The following SIPA1L3 variants were observed in gnomAD, a reference collection of about 807,000 sequenced individuals.
SIPA1L3 encodes the protein signal induced proliferation associated 1 like 3.
In SIPA1L3, 59 loss-of-function variants were observed where a neutral mutation model predicts 150.1. The ratio of observed to expected loss-of-function variants is 0.39; its 90% confidence interval spans 0.32 to 0.49. SIPA1L3 has a LOEUF of 0.49. Among genes scored for constraint, SIPA1L3 ranks in the 20% least tolerant of loss-of-function variants. The probability of loss-of-function intolerance (pLI) is 0.86; values close to 1 mark genes in which losing one functional copy is unlikely to be tolerated. For missense variants in SIPA1L3, 2,211 were observed against 2,489.5 expected, an observed-to-expected ratio of 0.89 and a Z score of 2.38; for synonymous variants, 1,070 against 1,077.6, an observed-to-expected ratio of 0.99 and a Z score of 0.14.
At chr19:38,195,017 C>T (rs963762950) in intron 18 of SIPA1L3, among the ~76,000 whole-genome samples, 1 of 152,022 alleles carries the variant, frequency 6.6e-6, no homozygotes, top group African/African-American at 2.4e-5. Flanking sequence ...AGCCACTGCA[C>T]TCCAGCCTGG....
chr19:38,182,849 C>T, intron 16 of SIPA1L3, 109 bp downstream of exon 16: 2 of 780,706 alleles, frequency 2.6e-6, no homozygotes, highest in Non-Finnish European at 4.1e-6. Flanking sequence ...GACTGTGGGC[C>T]AGTGTACCAG....
intron 10 of SIPA1L3, among the ~76,000 whole-genome samples, chr19:38,134,086 C>T (rs113032370): frequency 0.036 from 5,492 of 151,900 alleles, 292 homozygotes; most frequent in African/African-American, 0.12. Flanking sequence ...TGTGTTCAAG[C>T]GATTCTTCTG....
intron 2 of SIPA1L3, among the ~76,000 whole-genome samples, chr19:38,042,446 T>C (rs1429581629): frequency 6.6e-6 from 1 of 152,222 alleles, no homozygotes; most frequent in Admixed American, 6.5e-5. Flanking sequence ...TGTGGCTATA[T>C]ATAAATTTTA....
At chr19:37,940,779 A>T (rs2046647295) in intron 1 of SIPA1L3, among the ~76,000 whole-genome samples, 1 of 138,004 alleles carries the variant, frequency 7.2e-6, no homozygotes, top group Admixed American at 7.1e-5. Context: ...ACAGGGTTTC[A>T]CCATGTTGGC....
At chr19:37,928,445 C>CCTGT (rs1317710586) in intron 1 of SIPA1L3, among the ~76,000 whole-genome samples, 1 of 152,084 alleles carries the variant, frequency 6.6e-6, no homozygotes, top group African/African-American at 2.4e-5. Flanking sequence ...GTGGCACATA[C>CCTGT]CTGTGGTCCC....
chr19:37,988,929 T>G (rs1202703286), intron 1 of SIPA1L3, among the ~76,000 whole-genome samples: 1 of 152,126 alleles, frequency 6.6e-6, no homozygotes, highest in East Asian at 1.9e-4. Context: ...GAAGCTTCCC[T>G]TAGGTTTCTC....
intron 1 of SIPA1L3, among the ~76,000 whole-genome samples, chr19:37,957,108 T>A (rs1186840607): frequency 6.6e-6 from 1 of 152,258 alleles, no homozygotes. Flanking sequence ...ATTATTAATA[T>A]AAGGGTTTGT....
intron 8 of SIPA1L3, among the ~76,000 whole-genome samples, chr19:38,111,309 A>G (rs1257402266): frequency 6.6e-6 from 1 of 152,022 alleles, no homozygotes; most frequent in Non-Finnish European, 1.5e-5. Flanking sequence ...TGGGATTGTA[A>G]GTGTGAGCCA....
chr19:38,126,748 C>A (rs1332939626), intron 9 of SIPA1L3, among the ~76,000 whole-genome samples: 9 of 151,792 alleles, frequency 5.9e-5, no homozygotes, highest in Non-Finnish European at 2.9e-5. Context: ...GTTGCCCAGG[C>A]CGGTCTTGAA....
intron 1 of SIPA1L3, among the ~76,000 whole-genome samples, chr19:38,003,713 C>T (rs1237254829): frequency 1.3e-5 from 2 of 152,156 alleles, no homozygotes; most frequent in African/African-American, 4.8e-5. Flanking sequence ...TGCCATGTGG[C>T]GGTTTCTCTT....
chr19:38,073,595 G>A (rs1196314402), intron 2 of SIPA1L3, among the ~76,000 whole-genome samples: 2 of 152,180 alleles, frequency 1.3e-5, no homozygotes, highest in Non-Finnish European at 2.9e-5. Context: ...GCCAGCAGCA[G>A]AAGCCACGCT....
intron 20 of SIPA1L3, among the ~76,000 whole-genome samples, chr19:38,203,381 C>T (rs1973131838): frequency 6.6e-6 from 1 of 152,192 alleles, no homozygotes; most frequent in African/African-American, 2.4e-5. Flanking sequence ...CAGCCCCCGA[C>T]CGCCACCGCC....
intron 9 of SIPA1L3, among the ~76,000 whole-genome samples, chr19:38,121,295 A>G (rs1017314051): frequency 1.3e-5 from 2 of 152,032 alleles, no homozygotes; most frequent in African/African-American, 4.8e-5. Flanking sequence ...AAAATTAGCC[A>G]GGCATGGTGG....
intron 18 of SIPA1L3, among the ~76,000 whole-genome samples, chr19:38,198,112 G>T (rs1010119863): frequency 1.3e-5 from 2 of 152,192 alleles, no homozygotes; most frequent in African/African-American, 4.8e-5. Context: ...AGCACTGGCT[G>T]TTCCGTCTGC....
At chr19:38,144,321 T>C (rs1417483225) in intron 12 of SIPA1L3, among the ~76,000 whole-genome samples, 1 of 152,228 alleles carries the variant, frequency 6.6e-6, no homozygotes, top group East Asian at 1.9e-4. Context: ...TCCCATCACA[T>C]AGTACACAGT....
intron 2 of SIPA1L3, among the ~76,000 whole-genome samples, chr19:38,075,571 A>G (rs960801437): frequency 6.7e-6 from 1 of 150,046 alleles, no homozygotes; most frequent in Non-Finnish European, 1.5e-5. Context: ...CCTCGAGGCC[A>G]GGAGTTTGAG....
At chr19:38,071,367 A>C (rs1056024701) in intron 2 of SIPA1L3, among the ~76,000 whole-genome samples, 1 of 151,120 alleles carries the variant, frequency 6.6e-6, no homozygotes, top group Non-Finnish European at 1.5e-5. Context: ...GCTCACTGCC[A>C]CCTCCCTCTC....
chr19:37,958,824 C>G (rs1310260566), intron 1 of SIPA1L3, among the ~76,000 whole-genome samples: 1 of 152,178 alleles, frequency 6.6e-6, no homozygotes, highest in Non-Finnish European at 1.5e-5. Context: ...ATACAAAGAA[C>G]TCTCACAACT....
At chr19:37,935,949 T>G (rs1051973219) in intron 1 of SIPA1L3, among the ~76,000 whole-genome samples, 1 of 152,142 alleles carries the variant, frequency 6.6e-6, no homozygotes, top group Non-Finnish European at 1.5e-5. Context: ...TTTTCTCATG[T>G]AAGAAGTGCA....
Sources: allele counts gnomAD v4.1 joint callset (sites outside exome capture counted in the v4.1 genomes callset), GRCh38; gene constraint gnomAD v4.1.1; transcripts MANE v1.5; gene names NCBI Gene and HGNC (gene_info 2026-07-23, HGNC 2026-07-21).